The following SEPSECS variants were observed in gnomAD, a reference collection of about 807,000 sequenced individuals.
SEPSECS encodes Sep (O-phosphoserine) tRNA:Sec (selenocysteine) tRNA synthase.
A neutral mutation model predicts 52.1 loss-of-function variants in SEPSECS; 42 were observed. The observed-to-expected ratio is 0.81, with a 90% confidence interval of 0.63 to 1.04. The LOEUF (loss-of-function observed/expected upper bound fraction) is 1.04, where lower values mean the gene tolerates loss of function less well. SEPSECS is among the 50% of genes least tolerant of loss of function. The pLI is 0.00. For synonymous variants in SEPSECS, 216 were observed against 211.4 expected, an observed-to-expected ratio of 1.02 and a Z score of -0.19; for missense variants, 590 against 610.6, an observed-to-expected ratio of 0.97 and a Z score of 0.36.
In SEPSECS at chr4:25,156,929, T is replaced by G. The variant is rs1356620262; in HGVS notation, c.315A>C (p.Gln105His). Residue 105 changes from glutamine (Q) to histidine (H), a missense_variant, in exon 3 of 11, where the codon CAA (glutamine) becomes CAC (histidine). Gln to His is a conservative substitution (Grantham distance 24). Transcript: ENST00000382103. ...IGRSGDISAV[Q>H]PKAAGSSLLN... ...AAAGGCTAGAGCCTGCAGCTTTTGG[T>G]TGCACAGCAGAAATATCACCGGATC... The G allele has an allele frequency of 3.1e-6, 5 of 1,613,538 alleles. No individual in the cohort carries two copies. The Admixed American group carries it at 6.7e-5, about 22-fold the overall frequency.
intron 9 of SEPSECS, 42 bp from the exon 10 acceptor site, chr4:25,125,826 G>T: frequency 4.8e-6 from 6 of 1,245,232 alleles, no homozygotes; most frequent in Non-Finnish European, 7.0e-6. Flanking sequence ...TGGTTTACTG[G>T]CATAAAAATC....
intron 8 of SEPSECS, among the ~76,000 whole-genome samples, chr4:25,133,797 A>G (rs533941553): frequency 3.4e-4 from 51 of 152,160 alleles, no homozygotes; most frequent in Non-Finnish European, 6.6e-4. Flanking sequence ...ATAAGAACAT[A>G]GAAATATACA....
intron 5 of SEPSECS, among the ~76,000 whole-genome samples, chr4:25,154,681 A>C (rs989907421): frequency 1.3e-5 from 2 of 152,136 alleles, no homozygotes; most frequent in Non-Finnish European, 2.9e-5. Flanking sequence ...TTAGAAAAGA[A>C]ACTTCTATTA....
At chr4:25,129,155 A>G (rs1446073400) in intron 8 of SEPSECS, among the ~76,000 whole-genome samples, 2 of 152,180 alleles carry the variant, frequency 1.3e-5, no homozygotes, top group African/African-American at 2.4e-5. Context: ...TTCCTTTTAT[A>G]TTCAAAAAGT....
chr4:25,152,654 T>G (rs1478960647), intron 5 of SEPSECS, among the ~76,000 whole-genome samples: 1 of 152,000 alleles, frequency 6.6e-6, no homozygotes, highest in Non-Finnish European at 1.5e-5. Flanking sequence ...TCCACCCTTA[T>G]CTACTCTTAC....
chr4:25,127,225 T>A (rs1054667139), intron 9 of SEPSECS, 39 bp downstream of exon 9: 33 of 1,290,094 alleles, frequency 2.6e-5, no homozygotes, highest in Non-Finnish European at 3.6e-5. Context: ...CTAGAGTGGA[T>A]CATAAGTATT....
chr4:25,155,923 TA>T (rs1430906564), intron 4 of SEPSECS, 113 bp downstream of exon 4: 3 of 1,042,202 alleles, frequency 2.9e-6, no homozygotes, highest in African/African-American at 1.6e-5. Context: ...TTTTTTCTTT[TA>T]AAAAAGCAAT....
chr4:25,132,318 C>G (rs987374824), intron 8 of SEPSECS, among the ~76,000 whole-genome samples: 1 of 152,064 alleles, frequency 6.6e-6, no homozygotes. Context: ...CACAATAACA[C>G]CAATAATATA....
rs1454996442 is a variant in SEPSECS, at chr4:25,120,860, T to C, written c.*3071A>G. ...CTACTAATTCAATATTAAAGTAACATCAGCAGTAAACACAAATTATCTGTT... is the reference window on the plus strand; with the variant it reads ...CTACTAATTCAATATTAAAGTAACACCAGCAGTAAACACAAATTATCTGTT... On this transcript the variant is annotated 3_prime_UTR_variant, in exon 11 of 11. Coordinates refer to ENST00000382103, the MANE Select transcript of SEPSECS (RefSeq NM_016955.4). 1 of 152,094 alleles carries C rather than the reference T, an allele frequency of 6.6e-6. No individual in the cohort carries two copies. Among genetic ancestry groups the C allele is most frequent in the East Asian group, 1.9e-4 (1 of 5,200 alleles). The allele number at this position is 152,094 out of a possible 1,614,324, so 9.4% of individuals were successfully genotyped here. A position where few individuals can be genotyped will look rare whatever the true frequency, so the allele number is the denominator to read the frequency against.
rs1728148890 is a variant in SEPSECS, at chr4:25,122,071, T to C, written c.*1860A>G. On this transcript the variant is annotated 3_prime_UTR_variant, in exon 11 of 11. Transcript: ENST00000382103. ...CTCTTCAGCTTTATTGGTTCAGCAA[T>C]TTAGTCCCAAATTCTCATGAAAAAT... 6.6e-6 allele frequency: 1 copy of C among 152,192 alleles called. No homozygotes were observed. The highest frequency in any genetic ancestry group is 2.1e-4 in the South Asian group (1 of 4,832). The allele number at this position is 152,192 out of a possible 1,614,324, so 9.4% of individuals were successfully genotyped here. A position where few individuals can be genotyped will look rare whatever the true frequency, so the allele number is the denominator to read the frequency against.
chr4:25,157,050 G>A lies in SEPSECS; in HGVS notation c.270-76C>T, dbSNP rs142956310. The A allele has an allele frequency of 2.1e-3, 1,773 of 851,244 alleles. 33 individuals are homozygous for A. The highest frequency in any genetic ancestry group is 0.019 in the South Asian group (1,420 of 75,392). The allele number at this position is 851,244 out of a possible 1,614,324, so 52.7% of individuals were successfully genotyped here. A position where few individuals can be genotyped will look rare whatever the true frequency, so the allele number is the denominator to read the frequency against. On this transcript the variant is annotated intron_variant, in intron 2 of 10. Coordinates refer to ENST00000382103, the MANE Select transcript of SEPSECS (RefSeq NM_016955.4). The stretch of plus-strand genomic sequence containing the variant: ...TAATACAATGTACAAATATGCAAAT[G>A]TAATAACCAAAAAAACACCAGGAGC...
intron 5 of SEPSECS, among the ~76,000 whole-genome samples, chr4:25,153,816 T>C (rs1313662110): frequency 1.3e-5 from 2 of 152,110 alleles, no homozygotes; most frequent in African/African-American, 4.8e-5. Context: ...AGAATTTTTC[T>C]GACTGATAAA....
chr4:25,129,520 G>T (rs191817651), intron 8 of SEPSECS, among the ~76,000 whole-genome samples: 48 of 151,892 alleles, frequency 3.2e-4, no homozygotes, highest in African/African-American at 1.1e-3. Flanking sequence ...CTACTCAGAG[G>T]CTGAGGCATG....
rs1215440744 is a variant in SEPSECS, at chr4:25,142,200, C to T, written c.1026+2574G>A. Reference sequence around the variant, plus strand: ...GCTGAGGCAGGAGAATAACTTGAGCCCGGGAGGCAGAGGTTGCAGTGAGGC... The same window carrying T: ...GCTGAGGCAGGAGAATAACTTGAGCTCGGGAGGCAGAGGTTGCAGTGAGGC... On this transcript the variant is annotated intron_variant, in intron 8 of 10. Transcript: ENST00000382103. 2.6e-5 allele frequency among the ~76,000 whole-genome samples: 4 copies of T among 152,226 alleles called. No individual in the cohort carries two copies. The East Asian group carries it at 7.7e-4, about 29-fold the overall frequency.
intron 8 of SEPSECS, among the ~76,000 whole-genome samples, chr4:25,140,569 CTCA>C (rs1729020427): frequency 6.6e-6 from 1 of 152,008 alleles, no homozygotes; most frequent in African/African-American, 2.4e-5. Flanking sequence ...ATAACAATAC[CTCA>C]TAAGAATATT....
chr4:25,154,763 G>T (rs1194206015), intron 5 of SEPSECS, among the ~76,000 whole-genome samples: 2 of 152,056 alleles, frequency 1.3e-5, no homozygotes, highest in Admixed American at 6.6e-5. Context: ...GGTCTGCATC[G>T]ACTCAGGTGA....
intron 1 of SEPSECS, chr4:25,159,942 C>G (rs1321280748): frequency 1.0e-6 from 1 of 985,406 alleles, no homozygotes; most frequent in Non-Finnish European, 1.2e-6. Flanking sequence ...GAGGTGCGAA[C>G]TTTGCCCTTT....
rs3066762 is a variant in SEPSECS at position 25,134,320 on chromosome 4, A to ATGTGTGTG, written c.1027-6971_1027-6964dup. ...ATAGCAAGACCCCATATCTTTAAAA[A>ATGTGTGTG]TGTGTGTGTGTGTGTGTGTGTGTGT... On this transcript the variant is annotated intron_variant, in intron 8 of 10. Transcript: ENST00000382103. Among the ~76,000 whole-genome samples the ATGTGTGTG allele has an allele frequency of 9.4e-3, 1,360 of 145,076 alleles. 19 individuals are homozygous for ATGTGTGTG. The highest frequency in any genetic ancestry group is 0.022 in the African/African-American group (841 of 39,108).
rs1712612986 is a variant in SEPSECS at position 25,156,138 on chromosome 4, G to A, written c.446C>T (p.Thr149Ile). 6.2e-7 allele frequency: 1 copy of A among 1,613,784 alleles called. No individual in the cohort carries two copies. Among genetic ancestry groups the A allele is most frequent in the Non-Finnish European group, 8.5e-7 (1 of 1,179,856 alleles). Reference sequence around the variant, plus strand: ...GTGTCGTAATGTTAAGAAACACAGAGTTAGACTCATACCAGTTGCCATAGG... The same window carrying A: ...GTGTCGTAATGTTAAGAAACACAGAATTAGACTCATACCAGTTGCCATAGG... ...VVPMATGMSL[T>I]LCFLTLRHKR... Residue 149 changes from threonine to isoleucine, a missense_variant, in exon 4 of 11, where the codon ACT becomes ATT. Transcript: ENST00000382103.
Sources: gnomAD v4.1 joint callset for allele counts (sites outside exome capture counted in the v4.1 genomes callset) on GRCh38, gnomAD v4.1.1 for gene constraint, MANE v1.5 for transcripts, NCBI Gene and HGNC (gene_info 2026-07-23, HGNC 2026-07-21) for gene names.